SEMA6D: variants seen among roughly 807,000 people sequenced by gnomAD.
The protein encoded by SEMA6D is semaphorin 6D.
SEMA6D carries 35 observed loss-of-function variants against 106.6 expected under a neutral mutation model. The ratio of observed to expected loss-of-function variants is 0.33; its 90% CI spans 0.25 to 0.44. The LOEUF (loss-of-function observed/expected upper bound fraction) is 0.44. SEMA6D is among the 20% of genes least tolerant of loss of function. SEMA6D has a pLI of 1.00. For missense variants in SEMA6D, 1,185 were observed against 1,345.9 expected (o/e 0.88, Z 1.87); for synonymous variants, 499 against 487.7 (o/e 1.02, Z -0.31).
intron 3 of SEMA6D, among the ~76,000 whole-genome samples, chr15:47,513,695 C>T (rs1053060093): frequency 3.3e-5 from 5 of 152,212 alleles, no homozygotes; most frequent in East Asian, 1.9e-4. Flanking sequence ...TAGATGATGA[C>T]GATAATGTGC....
At chr15:47,335,654 A>G (rs150458675) in intron 1 of SEMA6D, among the ~76,000 whole-genome samples, 10 of 152,292 alleles carry the variant, frequency 6.6e-5, no homozygotes, top group Admixed American at 1.3e-4. Context: ...GAAATGAACA[A>G]CAGTTCAAGA....
At chr15:47,672,161 G>A (rs78508501) in intron 4 of SEMA6D, among the ~76,000 whole-genome samples, 125 of 152,192 alleles carry the variant, frequency 8.2e-4, no homozygotes, top group African/African-American at 2.8e-3. Context: ...AGATGTAAGC[G>A]ACTTGCCAGA....
chr15:47,345,891 C>T (rs766461512), intron 1 of SEMA6D, among the ~76,000 whole-genome samples: 10 of 151,926 alleles, frequency 6.6e-5, no homozygotes, highest in Admixed American at 5.2e-4. Context: ...GTTCTCATCT[C>T]GATTATGGTG....
chr15:47,382,822 C>T (rs184906812), intron 1 of SEMA6D, among the ~76,000 whole-genome samples: 1 of 152,320 alleles, frequency 6.6e-6, no homozygotes, highest in African/African-American at 2.4e-5. Flanking sequence ...GGCTGAAGTG[C>T]AGTGGCATGA....
chr15:47,757,386 G>A (rs1486664439), intron 1 of SEMA6D, among the ~76,000 whole-genome samples: 4 of 152,162 alleles, frequency 2.6e-5, no homozygotes, highest in Non-Finnish European at 1.5e-5. Flanking sequence ...TGTCAAAGCA[G>A]GATCTAGTTC....
intron 3 of SEMA6D, among the ~76,000 whole-genome samples, chr15:47,476,884 A>G (rs756148352): frequency 2.6e-5 from 4 of 152,156 alleles, no homozygotes; most frequent in Admixed American, 6.5e-5. Flanking sequence ...ATACAAATCT[A>G]TCTTTCATCC....
At chr15:47,268,613 C>T (rs2142214115) in intron 1 of SEMA6D, among the ~76,000 whole-genome samples, 1 of 152,258 alleles carries the variant, frequency 6.6e-6, no homozygotes, top group South Asian at 2.1e-4. Context: ...TTGGAAATGG[C>T]CAGCACTTAC....
At chr15:47,635,735 A>G (rs1484319571) in intron 4 of SEMA6D, among the ~76,000 whole-genome samples, 2 of 152,086 alleles carry the variant, frequency 1.3e-5, no homozygotes, top group African/African-American at 2.4e-5. Flanking sequence ...GACTGCCAGT[A>G]TTAGGAACCC....
At chr15:47,219,068 T>A (rs1163673018) in intron 1 of SEMA6D, among the ~76,000 whole-genome samples, 3 of 152,242 alleles carry the variant, frequency 2.0e-5, no homozygotes, top group Admixed American at 1.3e-4. Context: ...CCATTTATGG[T>A]CCTCCTATAT....
At chr15:47,200,228 C>G (rs1300197689) in intron 1 of SEMA6D, among the ~76,000 whole-genome samples, 1 of 152,094 alleles carries the variant, frequency 6.6e-6, no homozygotes, top group East Asian at 1.9e-4. Flanking sequence ...ATTTAGCTCC[C>G]CTTGCTTCCT....
chr15:47,315,333 A>T (rs987147661), intron 1 of SEMA6D, among the ~76,000 whole-genome samples: 1 of 152,148 alleles, frequency 6.6e-6, no homozygotes, highest in Admixed American at 6.5e-5. Context: ...TTGTTTCAGC[A>T]CCGTTTGTTG....
At chr15:47,203,743 A>G (rs995122774) in intron 1 of SEMA6D, among the ~76,000 whole-genome samples, 1 of 152,126 alleles carries the variant, frequency 6.6e-6, no homozygotes, top group Non-Finnish European at 1.5e-5. Context: ...AAGGATCATC[A>G]CCTTCTTTCT....
Position 47,294,238 on chromosome 15 carries a change from CTCTT to C in SEMA6D, c.-239+109822_-239+109825del, listed in dbSNP as rs201285797. ...TGCTAGTTTATTTAAATCTCTCTCT[CTCTT>C]TTTTTTTTCTTGGAGTCTTTCTCTG... is the stretch of plus-strand genomic sequence containing the variant. On this transcript the variant is annotated intron_variant, in intron 1 of 19. Transcript: ENST00000558014. 4.8e-3 allele frequency among the ~76,000 whole-genome samples: 733 copies of C among 152,006 alleles called. 25 individuals carry two copies. Among genetic ancestry groups the C allele is most frequent in the Admixed American group, 0.035 (537 of 15,264 alleles).
At chr15:47,395,787 A>AGAG (rs1345776649) in intron 1 of SEMA6D, 3 of 152,258 alleles carry the variant, frequency 2.0e-5, no homozygotes, top group African/African-American at 7.2e-5. Context: ...TACCTAGCAT[A>AGAG]GAGGGCAGGC....
At chr15:47,435,431 C>T (rs868491846) in intron 2 of SEMA6D, among the ~76,000 whole-genome samples, 1 of 152,026 alleles carries the variant, frequency 6.6e-6, no homozygotes, top group Non-Finnish European at 1.5e-5. Context: ...CTCCTTATGC[C>T]CTGTAATATA....
intron 3 of SEMA6D, among the ~76,000 whole-genome samples, chr15:47,570,626 C>T (rs2046355816): frequency 6.6e-6 from 1 of 152,216 alleles, no homozygotes; most frequent in African/African-American, 2.4e-5. Flanking sequence ...GGCTGGTCAG[C>T]CCCAGTGCTG....
At chr15:47,453,314 G>A (rs1164309748) in intron 2 of SEMA6D, among the ~76,000 whole-genome samples, 1 of 150,782 alleles carries the variant, frequency 6.6e-6, no homozygotes, top group Non-Finnish European at 1.5e-5. Context: ...TTCAACAAAT[G>A]TGTTTTAAAC....
chr15:47,292,777 AG>A (rs2035645572), intron 1 of SEMA6D, among the ~76,000 whole-genome samples: 1 of 152,214 alleles, frequency 6.6e-6, no homozygotes, highest in South Asian at 2.1e-4. Flanking sequence ...TACTGTGTAC[AG>A]GGTGAGCAAT....
chr15:47,572,487 A>G (rs2142920598), intron 3 of SEMA6D, among the ~76,000 whole-genome samples: 1 of 152,324 alleles, frequency 6.6e-6, no homozygotes, highest in South Asian at 2.1e-4. Flanking sequence ...AGAAACTGTG[A>G]TAGACCCTGG....
Sources: gnomAD v4.1 joint callset for allele counts (sites outside exome capture counted in the v4.1 genomes callset) on GRCh38, gnomAD v4.1.1 for gene constraint, MANE v1.5 for transcripts, NCBI Gene and HGNC (gene_info 2026-07-23, HGNC 2026-07-21) for gene names.